Variants in LINGO2 observed in about 807,000 individuals in gnomAD.
LINGO2 encodes leucine-rich repeat and immunoglobulin-like domain-containing nogo receptor-interacting protein 2.
Under a neutral mutation model 30.6 loss-of-function variants are expected in LINGO2, and 14 were observed. The observed-to-expected ratio is 0.46, with a 90% CI of 0.30 to 0.72. LINGO2 has a LOEUF of 0.72. LINGO2 is among the 30% of genes least tolerant of loss of function. LINGO2 has a pLI of 0.07. For synonymous variants in LINGO2, 317 were observed against 288.5 expected (o/e 1.10, Z -1.00); for missense variants, 729 against 751.7 (o/e 0.97, Z 0.35).
At chr9:28,004,791 G>T (rs1822177963) in intron 5 of LINGO2, among the ~76,000 whole-genome samples, 1 of 152,180 alleles carries the variant, frequency 6.6e-6, no homozygotes, top group African/African-American at 2.4e-5. Context: ...CCAAAATAGG[G>T]TGATGGTTTG....
intron 5 of LINGO2, among the ~76,000 whole-genome samples, chr9:27,977,480 C>G (rs115525658): frequency 2.0e-5 from 3 of 151,862 alleles, no homozygotes; most frequent in Non-Finnish European, 4.4e-5. Context: ...CTCCAGATTA[C>G]GACGACTCCC....
At chr9:28,926,460 C>T in the LINGO2 span, among the ~76,000 whole-genome samples, 1 of 152,168 alleles carries the variant, frequency 6.6e-6, no homozygotes, top group Non-Finnish European at 1.5e-5. Context: ...ACTCCATCAC[C>T]TCAATTAACC....
At chr9:29,168,108 T>G in the LINGO2 span, among the ~76,000 whole-genome samples, 4 of 152,256 alleles carry the variant, frequency 2.6e-5, no homozygotes, top group South Asian at 8.3e-4. Flanking sequence ...GAACTAGGAA[T>G]AGAAAGACCT....
At chr9:28,632,881 T>G (rs10441715) in intron 1 of LINGO2, among the ~76,000 whole-genome samples, 648 of 61,860 alleles carry the variant, frequency 0.01, 17 homozygotes, top group African/African-American at 0.041. Context: ...TATATATATG[T>G]AGAGAGAGAG....
At chr9:28,990,314 C>A in the LINGO2 span, among the ~76,000 whole-genome samples, 7 of 152,230 alleles carry the variant, frequency 4.6e-5, no homozygotes, top group African/African-American at 1.4e-4. Flanking sequence ...GGGTGCCCAC[C>A]ATTGCCCAGA....
intron 4 of LINGO2, among the ~76,000 whole-genome samples, chr9:28,096,462 T>A (rs1421120407): frequency 2.6e-5 from 4 of 152,196 alleles, no homozygotes; most frequent in Non-Finnish European, 5.9e-5. Flanking sequence ...TGCTCCAAAA[T>A]GGAAATTACT....
Position 28,184,953 on chromosome 9 carries a change from CA to C in LINGO2, c.-87+110254del, listed in dbSNP as rs201971452. Among the ~76,000 whole-genome samples the C allele has an allele frequency of 3.3e-5, 5 of 151,898 alleles. No individual in the cohort carries two copies. The East Asian group carries it at 9.7e-4, about 29-fold the overall frequency. On this transcript the variant is annotated intron_variant, in intron 4 of 5. Transcript: ENST00000379992. ...AAGGGGAAATTAAAACAAAACACAACAAAACAAAACAAAAAAAAATCTTCTT... is the reference window on the plus strand; with the variant it reads ...AAGGGGAAATTAAAACAAAACACAACAAACAAAACAAAAAAAAATCTTCTT...
intron 1 of LINGO2, among the ~76,000 whole-genome samples, chr9:28,619,076 A>G (rs2135816662): frequency 6.6e-6 from 1 of 152,274 alleles, no homozygotes; most frequent in South Asian, 2.1e-4. Context: ...CTTATTGAGT[A>G]ATAATATCTC....
At chr9:28,467,078 T>A (rs997041378) in intron 2 of LINGO2, among the ~76,000 whole-genome samples, 1 of 149,402 alleles carries the variant, frequency 6.7e-6, no homozygotes, top group Admixed American at 6.7e-5. Flanking sequence ...CTGGCTAGAG[T>A]GCAGTGGCGC....
chr9:28,646,602 A>T (rs1039865873), intron 1 of LINGO2, among the ~76,000 whole-genome samples: 2 of 152,166 alleles, frequency 1.3e-5, no homozygotes, highest in Admixed American at 6.6e-5. Flanking sequence ...GATCCATATG[A>T]TCTGGGGAAA....
the LINGO2 span, among the ~76,000 whole-genome samples, chr9:28,797,359 T>TATATATATATAG: frequency 7.9e-4 from 27 of 34,206 alleles, no homozygotes; most frequent in South Asian, 2.0e-3. Context: ...TATATATATA[T>TATATATATATAG]AGAGAGAGAG....
At chr9:27,966,491 G>C (rs1183061965) in intron 5 of LINGO2, among the ~76,000 whole-genome samples, 2 of 152,088 alleles carry the variant, frequency 1.3e-5, no homozygotes, top group Non-Finnish European at 2.9e-5. Context: ...AACACCGCTT[G>C]TTCTCACTCA....
chr9:28,017,743 T>C (rs1401522180), intron 4 of LINGO2, among the ~76,000 whole-genome samples: 2 of 152,166 alleles, frequency 1.3e-5, no homozygotes, highest in Non-Finnish European at 2.9e-5. Context: ...TCCATGCTCA[T>C]GGATAGGAAG....
chr9:28,511,311 C>T (rs2135363055), intron 1 of LINGO2, among the ~76,000 whole-genome samples: 1 of 152,284 alleles, frequency 6.6e-6, no homozygotes, highest in African/African-American at 2.4e-5. Flanking sequence ...AATCAACCTG[C>T]CACCAGGTAG....
intron 4 of LINGO2, among the ~76,000 whole-genome samples, chr9:28,261,557 C>T (rs1822563812): frequency 6.6e-6 from 1 of 151,836 alleles, no homozygotes; most frequent in Non-Finnish European, 1.5e-5. Context: ...TTCTATACTC[C>T]TAATAAGATA....
In LINGO2 at chr9:28,639,600, T is replaced by C. The variant is rs1827471201; in HGVS notation, c.-365+30600A>G. Among the ~76,000 whole-genome samples the C allele has an allele frequency of 2.6e-5, 4 of 152,138 alleles. No individual in the cohort carries two copies. The South Asian group carries it at 6.2e-4, about 24-fold the overall frequency. On this transcript the variant is annotated intron_variant, in intron 1 of 5. Transcript: ENST00000379992. ...TGGCCTTCTTTGTCTCTTTTGATCT[T>C]TGTTGGTTTAAAGTCTGTTTTATCA...
the LINGO2 span, among the ~76,000 whole-genome samples, chr9:29,075,057 A>C: frequency 6.6e-6 from 1 of 152,118 alleles, no homozygotes; most frequent in South Asian, 2.1e-4. Context: ...CTAGCTGTGG[A>C]TACCTGGAAT....
intron 4 of LINGO2, among the ~76,000 whole-genome samples, chr9:28,258,636 A>G (rs992922935): frequency 6.6e-6 from 1 of 151,986 alleles, no homozygotes; most frequent in Non-Finnish European, 1.5e-5. Context: ...TGATTAACAG[A>G]TATCTCACCA....
At chr9:28,429,765 A>C (rs963542210) in intron 2 of LINGO2, among the ~76,000 whole-genome samples, 1 of 152,200 alleles carries the variant, frequency 6.6e-6, no homozygotes, top group African/African-American at 2.4e-5. Flanking sequence ...ATGGCTTCTT[A>C]ACCTCACTAA....
Sources: gnomAD v4.1 joint callset for allele counts (sites outside exome capture counted in the v4.1 genomes callset) on GRCh38, gnomAD v4.1.1 for gene constraint, MANE v1.5 for transcripts, NCBI Gene and HGNC (gene_info 2026-07-23, HGNC 2026-07-21) for gene names.